ARHGAP42: variants seen among roughly 807,000 people sequenced by gnomAD.
ARHGAP42 encodes the protein rho GTPase-activating protein 42.
Under a neutral mutation model 125.0 loss-of-function variants are expected in ARHGAP42, and 63 were observed. The ratio of observed to expected loss-of-function variants is 0.50; its 90% CI spans 0.41 to 0.62. The LOEUF is 0.62. Among genes scored for constraint, ARHGAP42 ranks in the 20% least tolerant of loss-of-function variants. ARHGAP42 has a pLI of 0.00. For missense variants in ARHGAP42, 766 were observed against 1,024.2 expected, an observed-to-expected ratio of 0.75 and a Z score of 3.44; for synonymous variants, 339 against 351.0, an observed-to-expected ratio of 0.97 and a Z score of 0.38.
chr11:100,869,223 G>A (rs1042377212), intron 4 of ARHGAP42, among the ~76,000 whole-genome samples: 2 of 151,858 alleles, frequency 1.3e-5, no homozygotes, highest in African/African-American at 2.4e-5. Context: ...ATTAGATATA[G>A]CACTCTTATA....
intron 4 of ARHGAP42, among the ~76,000 whole-genome samples, chr11:100,876,565 T>C (rs1169801471): frequency 6.6e-6 from 1 of 152,250 alleles, no homozygotes; most frequent in Non-Finnish European, 1.5e-5. Context: ...TTTTACTTTA[T>C]ACAAAATCAG....
In ARHGAP42 at chr11:100,980,559, C is replaced by CTTTTTTTTTTTTTTTTTTT. The variant is rs763302463; in HGVS notation, c.2456+1522_2456+1540dup. ...TCAAATCATACTTCTTTTTCTTCTT[C>CTTTTTTTTTTTTTTTTTTT]TTTTTTTTTTTTTTTTTTTTTTTTT... On this transcript the variant is annotated intron_variant, in intron 22 of 23. Coordinates refer to ENST00000298815, the MANE Select transcript of ARHGAP42 (RefSeq NM_152432.4). 6.4e-4 allele frequency among the ~76,000 whole-genome samples: 33 copies of CTTTTTTTTTTTTTTTTTTT among 51,950 alleles called. 2 individuals are homozygous for CTTTTTTTTTTTTTTTTTTT. Among genetic ancestry groups the CTTTTTTTTTTTTTTTTTTT allele is most frequent in the East Asian group, 5.2e-3 (6 of 1,164 alleles). The allele number at this position is 51,950 out of a possible 152,430, so 34.1% of individuals were successfully genotyped here.
At chr11:100,970,149 C>T (rs565090628) in intron 17 of ARHGAP42, among the ~76,000 whole-genome samples, 6 of 152,102 alleles carry the variant, frequency 3.9e-5, no homozygotes, top group East Asian at 1.9e-4. Flanking sequence ...CCACCACACC[C>T]GGCTAATTTT....
At chr11:100,785,825 T>G (rs1364516557) in intron 2 of ARHGAP42, among the ~76,000 whole-genome samples, 2 of 152,236 alleles carry the variant, frequency 1.3e-5, no homozygotes, top group Non-Finnish European at 2.9e-5. Context: ...AAGCCTGTTC[T>G]TTTCCTCCTG....
rs1858768170 is a variant in ARHGAP42, at chr11:100,989,246, T to C, written c.*445T>C. 2 of 397,738 alleles carry C rather than the reference T, an allele frequency of 5.0e-6. No individual in the cohort carries two copies. The highest frequency in any genetic ancestry group is 4.1e-5 in the African/African-American group (2 of 48,702). The allele number at this position is 397,738 out of a possible 1,614,324, so 24.6% of individuals were successfully genotyped here. A position where few individuals can be genotyped will look rare whatever the true frequency, so the allele number is the denominator to read the frequency against. The stretch of plus-strand genomic sequence containing the variant: ...ATTTAAATTGTTCATTTATTGTTTT[T>C]TTTTTCTTAGAAATATACTGCTTTT... On this transcript the variant is annotated 3_prime_UTR_variant, in exon 24 of 24. Coordinates refer to ENST00000298815, the MANE Select transcript of ARHGAP42 (RefSeq NM_152432.4).
Position 100,980,559 on chromosome 11 carries a change from C to CTTTTTTTTTTTTTTTTTT in ARHGAP42, c.2456+1523_2456+1540dup, listed in dbSNP as rs763302463. ...TCAAATCATACTTCTTTTTCTTCTTCTTTTTTTTTTTTTTTTTTTTTTTTT... is the reference window on the plus strand; with the variant it reads ...TCAAATCATACTTCTTTTTCTTCTTCTTTTTTTTTTTTTTTTTTTTTTTTTTTTTTTTTTTTTTTTTTT... On this transcript the variant is annotated intron_variant, in intron 22 of 23. Coordinates refer to ENST00000298815, the MANE Select transcript of ARHGAP42 (RefSeq NM_152432.4). Among the ~76,000 whole-genome samples the CTTTTTTTTTTTTTTTTTT allele has an allele frequency of 8.5e-4, 44 of 51,952 alleles. 3 individuals carry two copies. Among genetic ancestry groups the CTTTTTTTTTTTTTTTTTT allele is most frequent in the South Asian group, 1.1e-3 (1 of 904 alleles). 34.1% of individuals were successfully genotyped at this position (51,952 alleles called of 152,430 possible).
At chr11:100,720,313 G>A (rs111704101) in intron 1 of ARHGAP42, among the ~76,000 whole-genome samples, 2 of 152,256 alleles carry the variant, frequency 1.3e-5, no homozygotes, top group East Asian at 1.9e-4. Flanking sequence ...AAAGTTTAAG[G>A]TGGGATTCCA....
chr11:100,734,287 T>C (rs1376493794), intron 1 of ARHGAP42, among the ~76,000 whole-genome samples: 1 of 151,438 alleles, frequency 6.6e-6, no homozygotes, highest in African/African-American at 2.4e-5. Context: ...TTTTAAAATT[T>C]TTATTTTTTT....
At chr11:100,775,955 T>A (rs1185411154) in intron 2 of ARHGAP42, among the ~76,000 whole-genome samples, 1 of 151,808 alleles carries the variant, frequency 6.6e-6, no homozygotes, top group African/African-American at 2.4e-5. Context: ...AGGTTGGGAG[T>A]TCGAGACCAG....
intron 2 of ARHGAP42, among the ~76,000 whole-genome samples, chr11:100,791,921 A>G (rs1039033499): frequency 1.3e-5 from 2 of 152,258 alleles, no homozygotes; most frequent in Non-Finnish European, 1.5e-5. Context: ...AAACAGTATC[A>G]TAAATTTTTA....
rs953906907 is a variant in ARHGAP42 at position 100,976,897 on chromosome 11, C to A, written c.2319C>A (p.Asp773Glu). 3.2e-6 allele frequency: 5 copies of A among 1,551,428 alleles called. No individual in the cohort carries two copies. The highest frequency in any genetic ancestry group is 2.7e-5 in the African/African-American group (2 of 73,016). The change falls in exon 21 of 24, where the codon GAC becomes GAA. Residue 773 changes from aspartate to glutamate, a missense_variant. Physicochemically the swap from Asp to Glu is conservative, Grantham distance 45 (BLOSUM62 2). Transcript: ENST00000298815. Reference sequence around the variant, plus strand: ...CACCCAAAGCTTCACCAAACCCAGACCTGCCTCCGAAAATGTGCAGGAGAT... The same window carrying A: ...CACCCAAAGCTTCACCAAACCCAGAACTGCCTCCGAAAATGTGCAGGAGAT... ...KETPKASPNP[D>E]LPPKMCRRLR... is the part of the protein sequence containing the mutation.
In ARHGAP42 at chr11:100,779,440, C is replaced by T. The variant is rs1276437205; in HGVS notation, c.250+9002C>T. ...AGCCTGGGCAACAAGAGCGAGACTGCGTCTCAAAAAAAAAAAAAAAAAAAA... is the reference window on the plus strand; with the variant it reads ...AGCCTGGGCAACAAGAGCGAGACTGTGTCTCAAAAAAAAAAAAAAAAAAAA... On this transcript the variant is annotated intron_variant, in intron 2 of 23. Coordinates refer to ENST00000298815, the MANE Select transcript of ARHGAP42 (RefSeq NM_152432.4). Among the ~76,000 whole-genome samples the T allele has an allele frequency of 8.3e-5, 7 of 83,950 alleles. No homozygotes were observed. The East Asian group carries it at 2.1e-3, about 26-fold the overall frequency. The allele number at this position is 83,950 out of a possible 152,430, so 55.1% of individuals were successfully genotyped here. A position where few individuals can be genotyped will look rare whatever the true frequency, so the allele number is the denominator to read the frequency against.
At chr11:100,770,663 TGCC>T (rs1862953020) in intron 2 of ARHGAP42, among the ~76,000 whole-genome samples, 1 of 152,150 alleles carries the variant, frequency 6.6e-6, no homozygotes, top group Non-Finnish European at 1.5e-5. Context: ...CTGCAACCTC[TGCC>T]TCCCGGGTTC....
chr11:100,797,725 C>T (rs2135037106), intron 3 of ARHGAP42, among the ~76,000 whole-genome samples: 1 of 152,292 alleles, frequency 6.6e-6, no homozygotes, highest in Non-Finnish European at 1.5e-5. Context: ...ACACAACATT[C>T]ATTCTGCAGC....
At chr11:100,747,828 T>C (rs888808559) in intron 1 of ARHGAP42, among the ~76,000 whole-genome samples, 2 of 105,586 alleles carry the variant, frequency 1.9e-5, no homozygotes, top group African/African-American at 9.2e-5. Flanking sequence ...TTCCCTTTTA[T>C]AACTTTTTTT....
intron 3 of ARHGAP42, among the ~76,000 whole-genome samples, chr11:100,800,782 A>G (rs755132985): frequency 7.2e-5 from 11 of 152,228 alleles, no homozygotes; most frequent in Non-Finnish European, 1.2e-4. Context: ...ATGTAATGAA[A>G]AAAACTATAG....
intron 3 of ARHGAP42, among the ~76,000 whole-genome samples, chr11:100,808,395 C>CTTTTTTTT (rs398045483): frequency 2.5e-5 from 3 of 118,776 alleles, no homozygotes; most frequent in Admixed American, 9.0e-5. Flanking sequence ...TAAATTCACT[C>CTTTTTTTT]TTTTTTTTTT....
At chr11:100,785,647 G>A (rs1037113647) in intron 2 of ARHGAP42, among the ~76,000 whole-genome samples, 3 of 152,202 alleles carry the variant, frequency 2.0e-5, no homozygotes, top group Non-Finnish European at 4.4e-5. Context: ...ATGTGAAGGA[G>A]TGCTGGGAGG....
At chr11:100,947,872 T>C (rs1294834440) in intron 10 of ARHGAP42, among the ~76,000 whole-genome samples, 1 of 152,038 alleles carries the variant, frequency 6.6e-6, no homozygotes, top group African/African-American at 2.4e-5. Flanking sequence ...CCCTAGTCTT[T>C]GTTTCTTTCT....
Sources: gnomAD v4.1 joint callset for allele counts (sites outside exome capture counted in the v4.1 genomes callset) on GRCh38, gnomAD v4.1.1 for gene constraint, MANE v1.5 for transcripts, NCBI Gene and HGNC (gene_info 2026-07-23, HGNC 2026-07-21) for gene names.